The following PLA2R1 variants were observed in gnomAD, a reference collection of about 807,000 sequenced individuals.
PLA2R1 encodes the protein phospholipase A2 receptor 1.
Under a neutral mutation model 195.9 loss-of-function variants are expected in PLA2R1, and 158 were observed. The observed-to-expected ratio is 0.81, with a 90% CI of 0.71 to 0.92. PLA2R1 has a LOEUF of 0.92. Ranked by LOEUF, PLA2R1 falls within the 40% of genes least tolerant of loss-of-function variation. The probability of loss-of-function intolerance (pLI) is 0.00; values close to 1 mark genes in which losing one functional copy is unlikely to be tolerated. For missense variants in PLA2R1, 1,626 were observed against 1,764.6 expected (o/e 0.92, Z 1.41); for synonymous variants, 586 against 598.2 (o/e 0.98, Z 0.30).
At chr2:160,028,084 A>G in intron 6 of PLA2R1, 134 bp downstream of exon 6, 1 of 599,648 alleles carries the variant, frequency 1.7e-6, no homozygotes, top group Non-Finnish European at 2.9e-6. Flanking sequence ...CTAGTTACAC[A>G]TCTTTTCATA....
intron 1 of PLA2R1, among the ~76,000 whole-genome samples, chr2:160,054,401 T>G (rs1695407906): frequency 6.6e-6 from 1 of 152,214 alleles, no homozygotes; most frequent in Non-Finnish European, 1.5e-5. Context: ...AATCTTAACT[T>G]TGAATATGAA....
At chr2:159,951,196 T>G (rs762442558) in intron 24 of PLA2R1, 144 bp downstream of exon 24, 84 of 611,812 alleles carry the variant, frequency 1.4e-4, no homozygotes, top group Non-Finnish European at 2.2e-4. Context: ...GTCAGGTAAT[T>G]GCATAAACCA....
chr2:160,040,908 AG>A (rs1359314720), intron 3 of PLA2R1, among the ~76,000 whole-genome samples: 2 of 152,210 alleles, frequency 1.3e-5, no homozygotes, highest in Non-Finnish European at 2.9e-5. Context: ...TATTATGAAA[AG>A]TGCCTTGAAT....
chr2:160,000,427 T>C (rs529399662), intron 11 of PLA2R1, among the ~76,000 whole-genome samples: 1 of 152,348 alleles, frequency 6.6e-6, no homozygotes, highest in East Asian at 1.9e-4. Context: ...AAGCAGTCCT[T>C]AGTTGGTAGT....
At chr2:159,991,089 A>C (rs1291386420) in intron 11 of PLA2R1, among the ~76,000 whole-genome samples, 1 of 152,218 alleles carries the variant, frequency 6.6e-6, no homozygotes, top group Non-Finnish European at 1.5e-5. Flanking sequence ...ATCAAGGTAC[A>C]GAGTGAGTGG....
intron 9 of PLA2R1, among the ~76,000 whole-genome samples, chr2:160,016,279 AAAAG>A (rs1019804192): frequency 2.7e-5 from 4 of 148,878 alleles, no homozygotes; most frequent in African/African-American, 9.8e-5. Context: ...AAAAAAAAGA[AAAAG>A]AAAAAGAAAA....
At chr2:160,013,725 G>C (rs868087546) in intron 9 of PLA2R1, among the ~76,000 whole-genome samples, 96 of 132,622 alleles carry the variant, frequency 7.2e-4, no homozygotes, top group African/African-American at 2.5e-3. Context: ...CTCTCTCTGT[G>C]TGTGTGTGTG....
chr2:159,953,512 T>G (rs1030881913), intron 23 of PLA2R1, among the ~76,000 whole-genome samples: 1 of 152,252 alleles, frequency 6.6e-6, no homozygotes, highest in African/African-American at 2.4e-5. Context: ...TGCTAAGTGT[T>G]ATACATACAT....
At chr2:160,000,811 AAGAG>A (rs1363245894) in intron 11 of PLA2R1, among the ~76,000 whole-genome samples, 1 of 152,176 alleles carries the variant, frequency 6.6e-6, no homozygotes, top group African/African-American at 2.4e-5. Context: ...GATCTGGCTG[AAGAG>A]AGAATCAATG....
rs375280208 is a variant in PLA2R1, at chr2:159,949,597, A to C, written c.3709+11T>G. 2.5e-6 allele frequency: 4 copies of C among 1,606,224 alleles called. No individual in the cohort carries two copies. The African/African-American group carries it at 5.4e-5, about 21-fold the overall frequency. On this transcript the variant is annotated intron_variant, in intron 25 of 29. Transcript: ENST00000283243. ...AAGGTATATTTTTGAGTTGAATAGAATTGAACCTACCAGGTGGCACATGAC... is the reference window on the plus strand; with the variant it reads ...AAGGTATATTTTTGAGTTGAATAGACTTGAACCTACCAGGTGGCACATGAC...
At chr2:160,026,860 C>T (rs12622339) in intron 6 of PLA2R1, among the ~76,000 whole-genome samples, 22,692 of 152,140 alleles carry the variant, frequency 0.15, 1,873 homozygotes, top group East Asian at 0.23. Context: ...TTAGGCTGCG[C>T]GTGGTGGCTC....
At chr2:160,062,169 C>T (rs955863300) in intron 1 of PLA2R1, 126 bp downstream of exon 1, 2 of 656,678 alleles carry the variant, frequency 3.0e-6, no homozygotes, top group East Asian at 3.3e-5. Context: ...ACACACGAAC[C>T]CCTACAAACG....
In PLA2R1 at chr2:160,058,568, T is replaced by C. The variant is rs190700454; in HGVS notation, c.109+3727A>G. On this transcript the variant is annotated intron_variant, in intron 1 of 29. Coordinates refer to ENST00000283243, the MANE Select transcript of PLA2R1 (RefSeq NM_007366.5). ...CTTCAAAACCCTTTTACTTGCCCCC[T>C]GATCATTTCCTTTAGCAATGACTAT... 3.0e-3 allele frequency among the ~76,000 whole-genome samples: 412 copies of C among 137,332 alleles called. 5 individuals are homozygous for C. The highest frequency in any genetic ancestry group is 0.014 in the African/African-American group (397 of 27,924). The allele number at this position is 137,332 out of a possible 152,430, so 90.1% of individuals were successfully genotyped here.
At chr2:160,007,439 C>G (rs1692070560) in intron 10 of PLA2R1, among the ~76,000 whole-genome samples, 1 of 152,234 alleles carries the variant, frequency 6.6e-6, no homozygotes, top group South Asian at 2.1e-4. Flanking sequence ...CACCCCCATC[C>G]TGTGCTTGTA....
intron 4 of PLA2R1, among the ~76,000 whole-genome samples, chr2:160,032,130 T>C (rs539306970): frequency 1.3e-5 from 2 of 152,406 alleles, no homozygotes; most frequent in East Asian, 1.9e-4. Context: ...TGCATTTATA[T>C]GTTTTTGCAG....
chr2:159,996,830 C>T (rs1177707337), intron 11 of PLA2R1, among the ~76,000 whole-genome samples: 1 of 152,114 alleles, frequency 6.6e-6, no homozygotes, highest in African/African-American at 2.4e-5. Context: ...TCAGCAAAAG[C>T]ATTCTTCATT....
rs1691927099 is a variant in PLA2R1 at position 160,005,628 on chromosome 2, G to A, written c.1834+24C>T. 13 of 1,595,648 alleles carry A rather than the reference G, an allele frequency of 8.1e-6. No homozygotes were observed. In the South Asian group the frequency reaches 1.1e-4, roughly 14 times the overall value. On this transcript the variant is annotated intron_variant, in intron 11 of 29. Coordinates refer to ENST00000283243, the MANE Select transcript of PLA2R1 (RefSeq NM_007366.5). ...TGGAGTAAAGAAAACAGGGAGGGTTGGTGATGCAGCACACTCTACTCACGC... is the reference window on the plus strand; with the variant it reads ...TGGAGTAAAGAAAACAGGGAGGGTTAGTGATGCAGCACACTCTACTCACGC...
chr2:159,924,715 T>C, the PLA2R1 span, among the ~76,000 whole-genome samples: 1 of 124,968 alleles, frequency 8.0e-6, no homozygotes, highest in Admixed American at 8.9e-5. Context: ...ACAGTTTTCT[T>C]TTACTCTGGG....
At chr2:159,929,923 G>A (rs1686548888), downstream of PLA2R1, among the ~76,000 whole-genome samples, 1 of 151,558 alleles carries the variant, frequency 6.6e-6, no homozygotes, top group African/African-American at 2.4e-5. Flanking sequence ...ATGAAATAAT[G>A]GCATTCGCAG....
Sources: gnomAD v4.1 joint callset for allele counts (sites outside exome capture counted in the v4.1 genomes callset) on GRCh38, gnomAD v4.1.1 for gene constraint, MANE v1.5 for transcripts, NCBI Gene and HGNC (gene_info 2026-07-23, HGNC 2026-07-21) for gene names.